CPNE7: variants seen among roughly 807,000 people sequenced by gnomAD.
CPNE7 encodes the protein copine-7.
CPNE7 carries 78 observed loss-of-function variants against 66.5 expected under a neutral mutation model. The ratio of observed to expected loss-of-function variants is 1.17; its 90% CI spans 0.98 to 1.42. The LOEUF (loss-of-function observed/expected upper bound fraction) is 1.42, where lower values mean the gene tolerates loss of function less well. CPNE7 is among the 40% of genes most tolerant of loss of function. The pLI is 0.00. For synonymous variants in CPNE7, 468 were observed against 336.7 expected (o/e 1.39, Z -4.27); for missense variants, 1,012 against 776.6 (o/e 1.30, Z -3.60).
At chr16:89,587,611 C>T (rs892615549) in intron 9 of CPNE7, 1 of 454,668 alleles carries the variant, frequency 2.2e-6, no homozygotes, top group Admixed American at 2.4e-5. Flanking sequence ...CAGCCACAGT[C>T]TCTACGTGTC....
chr16:89,590,907 C>T, intron 11 of CPNE7, 100 bp from the exon 12 acceptor site: 4 of 1,159,050 alleles, frequency 3.5e-6, no homozygotes, highest in Non-Finnish European at 4.6e-6. Context: ...GACTGGGGGA[C>T]ATGGGGGCTG....
chr16:89,594,335 G>T (rs1427816587), intron 13 of CPNE7, among the ~76,000 whole-genome samples: 1 of 152,106 alleles, frequency 6.6e-6, no homozygotes, highest in Non-Finnish European at 1.5e-5. Flanking sequence ...TTGCAAACAG[G>T]TAATTCTTCC....
intron 9 of CPNE7, 108 bp downstream of exon 9, chr16:89,587,210 C>A: frequency 2.2e-6 from 1 of 452,362 alleles, no homozygotes; most frequent in South Asian, 2.1e-5. Context: ...GTCTGTGGCC[C>A]CGCCCATCCC....
intron 2 of CPNE7, among the ~76,000 whole-genome samples, chr16:89,579,490 C>A (rs1045384261): frequency 3.3e-5 from 5 of 151,116 alleles, no homozygotes; most frequent in African/African-American, 1.2e-4. Flanking sequence ...ATCCGATCAC[C>A]CGTCACACGG....
chr16:89,585,411 C>T (rs1296568461), intron 5 of CPNE7, 53 bp from the exon 6 acceptor site: 4 of 1,308,368 alleles, frequency 3.1e-6, no homozygotes, highest in South Asian at 1.2e-5. Context: ...CTATCCCCCC[C>T]AAGGATCCCA....
At chr16:89,578,127 T>G (rs1355929489) in intron 2 of CPNE7, among the ~76,000 whole-genome samples, 2 of 149,612 alleles carry the variant, frequency 1.3e-5, no homozygotes, top group South Asian at 4.2e-4. Context: ...TGCAGTGGCG[T>G]GATCTCGGCT....
At chr16:89,589,118 C>G (rs555766530) in intron 10 of CPNE7, among the ~76,000 whole-genome samples, 1 of 152,298 alleles carries the variant, frequency 6.6e-6, no homozygotes, top group African/African-American at 2.4e-5. Context: ...ATGGTGAAAC[C>G]CCATCTCTAC....
rs527294284 is a variant in CPNE7, at chr16:89,578,883, C to T, written c.357+1162C>T. 6 of 1,612,904 alleles carry T rather than the reference C, an allele frequency of 3.7e-6. No individual in the cohort carries two copies. In the African/African-American group the frequency reaches 4.0e-5, roughly 11 times the overall value. ...CAGCCCAAAAGTGGCTTCTGCAAGT[C>T]GTGATGAGAGTGTCTGTTGATGTGC... On this transcript the variant is annotated intron_variant, in intron 2 of 14. Transcript: ENST00000319518.
At chr16:89,579,474 C>A (rs1041739865) in intron 2 of CPNE7, among the ~76,000 whole-genome samples, 1 of 151,406 alleles carries the variant, frequency 6.6e-6, no homozygotes. Flanking sequence ...CCTGCTGACA[C>A]GGAACATCCG....
chr16:89,585,753 G>A lies in CPNE7; in HGVS notation c.748G>A (p.Glu250Lys), dbSNP rs750254845. 3.9e-5 allele frequency: 60 copies of A among 1,536,092 alleles called. No homozygotes were observed. The highest frequency in any genetic ancestry group is 6.0e-5 in the South Asian group (5 of 83,490). The change falls in exon 7 of 15, where the codon GAG becomes AAG. Residue 250 changes from glutamate to lysine, a missense_variant. Transcript: ENST00000319518. Reference protein sequence around the residue: ...DFIGEFSTTFEEMQKAFEEGQ... With the variant: ...DFIGEFSTTFKEMQKAFEEGQ... ...CATCGGAGAATTCTCTACCACCTTC[G>A]AGGAGATGCAGAAGGCCTTTGAGGA...
chr16:89,592,333 C>G (rs1473301112), intron 13 of CPNE7, among the ~76,000 whole-genome samples: 1 of 149,478 alleles, frequency 6.7e-6, no homozygotes, highest in East Asian at 2.0e-4. Flanking sequence ...TTTAAACTCA[C>G]CAAAAAGTTA....
At chr16:89,576,124 A>C in intron 1 of CPNE7, 53 bp downstream of exon 1, 1 of 1,228,890 alleles carries the variant, frequency 8.1e-7, no homozygotes, top group Non-Finnish European at 1.0e-6. Context: ...GCTGGCGCCG[A>C]GCTGGGGATG....
intron 2 of CPNE7, among the ~76,000 whole-genome samples, chr16:89,581,561 T>G (rs1015888649): frequency 1.3e-5 from 2 of 152,206 alleles, no homozygotes; most frequent in African/African-American, 4.8e-5. Context: ...GATCCTGTTG[T>G]CCTCCCCATT....
In CPNE7 at chr16:89,575,773, C is replaced by G. The variant is rs950004235; in HGVS notation, c.-125C>G. The G allele has an allele frequency of 3.1e-5, 21 of 685,520 alleles. 1 individual carries two copies. Among genetic ancestry groups the G allele is most frequent in the East Asian group, 1.2e-4 (1 of 8,312 alleles). 42.5% of individuals were successfully genotyped at this position (685,520 alleles called of 1,614,324 possible). ...CGCCCGAGCCACGTGCGCCCGCGCCCGGCAGGCGTTCAGGGAAGCGCGGCC... is the reference window on the plus strand; with the variant it reads ...CGCCCGAGCCACGTGCGCCCGCGCCGGGCAGGCGTTCAGGGAAGCGCGGCC... On this transcript the variant is annotated 5_prime_UTR_variant, in exon 1 of 15. Transcript: ENST00000319518.
chr16:89,587,181 G>GCCCCGCCCCGC (rs1261387387), intron 9 of CPNE7, 79 bp downstream of exon 9: 4 of 588,080 alleles, frequency 6.8e-6, no homozygotes, highest in East Asian at 6.7e-5. Flanking sequence ...CCGTGGCCCC[G>GCCCCGCCCCGC]CCCCTCCCCG....
At position 89,594,941 on chromosome 16, in the gene CPNE7, C is replaced by T. The variant is rs1016628126; in HGVS notation, c.1303-426C>T. Among the ~76,000 whole-genome samples the T allele has an allele frequency of 5.3e-5, 8 of 152,140 alleles. No individual in the cohort carries two copies. In the South Asian group the frequency reaches 1.0e-3, roughly 20 times the overall value. ...TGCTGAGATTACAGGCGTGAACCAC[C>T]GCGTCCGGCCAACACTCAGTCTTGT... On this transcript the variant is annotated intron_variant, in intron 13 of 14. Coordinates refer to ENST00000319518, the MANE Select transcript of CPNE7 (RefSeq NM_153636.3).
intron 2 of CPNE7, among the ~76,000 whole-genome samples, chr16:89,578,167 C>G (rs180853889): frequency 1.3e-5 from 2 of 150,534 alleles, no homozygotes; most frequent in East Asian, 2.0e-4. Flanking sequence ...TGGGTTCAAG[C>G]GATTCTCCTG....
In CPNE7 at chr16:89,596,510, C is replaced by G. The variant is rs779643044; in HGVS notation, c.1566C>G (p.Cys522Trp). The change falls in exon 15 of 15, where the codon TGC becomes TGG. Residue 522 changes from cysteine (C) to tryptophan (W), a missense_variant. By Grantham distance (215) the Cys-to-Trp change is radical. Transcript: ENST00000319518. ...CATCCCCTGCGGCGCTGGCCAAGTG[C>G]GTGCTGGCCGAGGTCCCGAAGCAGG... ...KNASPAALAK[C>W]VLAEVPKQVV... The G allele has an allele frequency of 1.9e-6, 3 of 1,609,546 alleles. No individual in the cohort carries two copies. Among genetic ancestry groups the G allele is most frequent in the Non-Finnish European group, 2.5e-6 (3 of 1,179,550 alleles).
At chr16:89,577,428 A>T (rs1169269323) in intron 1 of CPNE7, 111 bp from the exon 2 acceptor site, 1 of 1,079,790 alleles carries the variant, frequency 9.3e-7, no homozygotes, top group African/African-American at 1.6e-5. Flanking sequence ...TTCCCAGGGT[A>T]TGAGTCCTCC....
Sources: gnomAD v4.1 joint callset for allele counts (sites outside exome capture counted in the v4.1 genomes callset) on GRCh38, gnomAD v4.1.1 for gene constraint, MANE v1.5 for transcripts, NCBI Gene and HGNC (gene_info 2026-07-23, HGNC 2026-07-21) for gene names.